Variants in KCNN2 observed in about 807,000 individuals in gnomAD.
KCNN2 encodes the protein small conductance calcium-activated potassium channel protein 2.
In KCNN2, 24 loss-of-function variants were observed where a neutral mutation model predicts 55.5. That is an observed-to-expected ratio of 0.43 (90% CI 0.31 to 0.61). The LOEUF (loss-of-function observed/expected upper bound fraction) is 0.61. Among genes scored for constraint, KCNN2 ranks in the 20% least tolerant of loss-of-function variants. The pLI, the probability that KCNN2 is intolerant of heterozygous loss-of-function variation, is 0.08. For missense variants in KCNN2, 754 were observed against 853.6 expected (o/e 0.88, Z 1.45); for synonymous variants, 431 against 336.1 (o/e 1.28, Z -3.09).
intron 2 of KCNN2, among the ~76,000 whole-genome samples, chr5:114,371,760 C>G (rs976458041): frequency 2.0e-5 from 3 of 152,154 alleles, no homozygotes; most frequent in Non-Finnish European, 2.9e-5. Flanking sequence ...CATTGAATGT[C>G]CCTGATCACA....
chr5:114,285,190 A>G (rs1355144525), intron 2 of KCNN2, among the ~76,000 whole-genome samples: 2 of 149,182 alleles, frequency 1.3e-5, no homozygotes, highest in Non-Finnish European at 3.0e-5. Flanking sequence ...AGGCTGAGGC[A>G]GGAAAATGGT....
At chr5:114,433,720 G>A (rs1193222288) in intron 3 of KCNN2, 1 of 152,712 alleles carries the variant, frequency 6.5e-6, no homozygotes, top group African/African-American at 2.4e-5. Flanking sequence ...CGCCTTAAGA[G>A]CTGTAACACT....
intron 2 of KCNN2, among the ~76,000 whole-genome samples, chr5:114,237,985 A>G (rs541949335): frequency 6.6e-6 from 1 of 152,314 alleles, no homozygotes; most frequent in Admixed American, 6.5e-5. Context: ...GTGACACTTG[A>G]GCTCACAGCC....
chr5:114,384,039 A>G (rs938269141), intron 2 of KCNN2, among the ~76,000 whole-genome samples: 9 of 152,204 alleles, frequency 5.9e-5, no homozygotes, highest in Admixed American at 5.2e-4. Flanking sequence ...AGCGAAGTTG[A>G]GAATCAAATT....
intron 3 of KCNN2, among the ~76,000 whole-genome samples, chr5:114,436,707 A>T (rs1480771832): frequency 6.6e-6 from 1 of 152,218 alleles, no homozygotes; most frequent in African/African-American, 2.4e-5. Flanking sequence ...GCATACAAGT[A>T]TGAAAGGGAA....
At chr5:114,338,800 T>A (rs1756969034) in intron 2 of KCNN2, among the ~76,000 whole-genome samples, 1 of 152,226 alleles carries the variant, frequency 6.6e-6, no homozygotes, top group Admixed American at 6.5e-5. Context: ...CTCAGCAGCC[T>A]GGGACAGCAC....
intron 2 of KCNN2, among the ~76,000 whole-genome samples, chr5:114,387,868 TC>T (rs1339008470): frequency 1.3e-5 from 2 of 152,164 alleles, no homozygotes; most frequent in Non-Finnish European, 2.9e-5. Context: ...CCCCCTCTGC[TC>T]CCACTCAGAT....
chr5:114,375,974 ATATG>A (rs1322432699), intron 2 of KCNN2, among the ~76,000 whole-genome samples: 2 of 139,238 alleles, frequency 1.4e-5, no homozygotes, highest in African/African-American at 2.6e-5. Flanking sequence ...ATATATATAT[ATATG>A]TATTTTTTTC....
At chr5:114,206,198 T>C (rs1753764996) in intron 1 of KCNN2, among the ~76,000 whole-genome samples, 1 of 152,344 alleles carries the variant, frequency 6.6e-6, no homozygotes, top group Non-Finnish European at 1.5e-5. Context: ...ATATTCTTTA[T>C]ATATTTGCTA....
chr5:114,447,318 C>T (rs1760456508), intron 3 of KCNN2, among the ~76,000 whole-genome samples: 1 of 152,196 alleles, frequency 6.6e-6, no homozygotes, highest in East Asian at 1.9e-4. Flanking sequence ...AAGTTCACTG[C>T]ACTGAGAACT....
intron 1 of KCNN2, among the ~76,000 whole-genome samples, chr5:114,196,219 T>C (rs575611782): frequency 6.6e-6 from 1 of 152,108 alleles, no homozygotes; most frequent in Admixed American, 6.5e-5. Context: ...AATTCCCACT[T>C]GGAAATGGTG....
chr5:114,293,572 T>C (rs1755941839), intron 2 of KCNN2, among the ~76,000 whole-genome samples: 1 of 152,218 alleles, frequency 6.6e-6, no homozygotes, highest in Admixed American at 6.5e-5. Flanking sequence ...AGGTTTTTGA[T>C]GTGCTGCTGG....
chr5:114,083,188 T>A (rs1340531963), intron 1 of KCNN2, among the ~76,000 whole-genome samples: 2 of 152,086 alleles, frequency 1.3e-5, no homozygotes, highest in Admixed American at 1.3e-4. Context: ...TTGTTCTTAG[T>A]CTATCTAGAG....
At chr5:114,478,341 T>C (rs1561409577) in intron 5 of KCNN2, among the ~76,000 whole-genome samples, 1 of 151,952 alleles carries the variant, frequency 6.6e-6, no homozygotes, top group African/African-American at 2.4e-5. Context: ...AAGCAAAGTT[T>C]TAATGAAAAG....
chr5:114,080,797 T>G (rs1750797387), intron 1 of KCNN2, among the ~76,000 whole-genome samples: 1 of 152,062 alleles, frequency 6.6e-6, no homozygotes, highest in African/African-American at 2.4e-5. Context: ...GTTTTGCCAC[T>G]TCTATTCAAC....
At chr5:114,247,924 C>A (rs1338228587) in intron 2 of KCNN2, among the ~76,000 whole-genome samples, 1 of 151,608 alleles carries the variant, frequency 6.6e-6, no homozygotes, top group Non-Finnish European at 1.5e-5. Flanking sequence ...GTATAATTAT[C>A]TTCAGAATTC....
At chr5:114,486,181 T>C (rs1400505530) in intron 5 of KCNN2, among the ~76,000 whole-genome samples, 3 of 152,212 alleles carry the variant, frequency 2.0e-5, no homozygotes, top group Non-Finnish European at 4.4e-5. Flanking sequence ...CTTTGTGAAA[T>C]ATCCTTTTTC....
chr5:114,057,912 A>G (rs1750245197), intron 1 of KCNN2, among the ~76,000 whole-genome samples: 1 of 152,228 alleles, frequency 6.6e-6, no homozygotes, highest in Non-Finnish European at 1.5e-5. Context: ...CAAGTGGTTG[A>G]AGAAGATGTG....
chr5:114,121,253 AG>A (rs1367434971), intron 1 of KCNN2, among the ~76,000 whole-genome samples: 3 of 152,216 alleles, frequency 2.0e-5, no homozygotes, highest in Non-Finnish European at 2.9e-5. Context: ...CTCAAATGCC[AG>A]GACTCTGGTT....
Sources: allele counts gnomAD v4.1 joint callset (sites outside exome capture counted in the v4.1 genomes callset), GRCh38; gene constraint gnomAD v4.1.1; transcripts MANE v1.5; gene names NCBI Gene and HGNC (gene_info 2026-07-23, HGNC 2026-07-21).